The following CPA4 variants were observed in gnomAD, a reference collection of about 807,000 sequenced individuals.
The protein encoded by CPA4 is carboxypeptidase A4, also known as carboxypeptidase A3.
Under a neutral mutation model 54.7 loss-of-function variants are expected in CPA4, and 49 were observed. The observed-to-expected ratio is 0.90, with a 90% CI of 0.71 to 1.14. The LOEUF is 1.14. CPA4 is among the 50% of genes most tolerant of loss of function. CPA4 has a pLI of 0.00. For missense variants in CPA4, 487 were observed against 525.1 expected, an observed-to-expected ratio of 0.93 and a Z score of 0.71; for synonymous variants, 215 against 206.8, an observed-to-expected ratio of 1.04 and a Z score of -0.34.
chr7:130,318,196 C>T (rs781292509), intron 10 of CPA4, among the ~76,000 whole-genome samples: 10 of 152,102 alleles, frequency 6.6e-5, no homozygotes, highest in African/African-American at 1.7e-4. Flanking sequence ...CCTCTGAGGA[C>T]GTCCTCTCCA....
In CPA4 at chr7:130,310,636, A is replaced by C; in HGVS notation, c.794-151A>C. On this transcript the variant is annotated intron_variant, in intron 8 of 10. Coordinates refer to ENST00000222482, the MANE Select transcript of CPA4 (RefSeq NM_016352.4). This position sits in a 1 kb window ranked among gnomAD's most constrained non-coding sequence, Gnocchi z 4.3. ...CCTCCCTCTTCCATGCCTTCTCTGC[A>C]GTCCACACCCACCATGGACTAGGTG... 1 of 661,210 alleles carries C rather than the reference A, an allele frequency of 1.5e-6. No homozygotes were observed. The highest frequency in any genetic ancestry group is 2.6e-6 in the Non-Finnish European group (1 of 377,924). 41.0% of individuals were successfully genotyped at this position (661,210 alleles called of 1,614,324 possible). A position where few individuals can be genotyped will look rare whatever the true frequency, so the allele number is the denominator to read the frequency against.
chr7:130,304,309 G>A (rs1320208224), intron 4 of CPA4, among the ~76,000 whole-genome samples, 169 bp from the exon 5 acceptor site: 1 of 152,202 alleles, frequency 6.6e-6, no homozygotes, highest in Admixed American at 6.5e-5. Flanking sequence ...TGTAGAAAAG[G>A]ACTATTCAGG....
intron 6 of CPA4, 52 bp downstream of exon 6, chr7:130,305,972 G>A (rs1793814330): frequency 2.7e-6 from 4 of 1,469,490 alleles, no homozygotes; most frequent in Middle Eastern, 3.7e-4. Context: ...GGGTGCCCCT[G>A]CAGCATGCCA....
intron 10 of CPA4, 76 bp downstream of exon 10, chr7:130,312,198 G>A (rs1793926377): frequency 1.9e-6 from 2 of 1,048,080 alleles, no homozygotes; most frequent in Non-Finnish European, 3.0e-6. Flanking sequence ...GAGGAGGGCT[G>A]TAAGTTAGAC....
intron 10 of CPA4, among the ~76,000 whole-genome samples, chr7:130,315,300 G>A (rs1029256370): frequency 1.3e-5 from 2 of 152,100 alleles, no homozygotes; most frequent in Non-Finnish European, 2.9e-5. Context: ...AGGTGTGAGT[G>A]GTCTTTTGGA....
At chr7:130,320,535 G>T (rs2117173079) in intron 10 of CPA4, among the ~76,000 whole-genome samples, 1 of 152,252 alleles carries the variant, frequency 6.6e-6, no homozygotes, top group Non-Finnish European at 1.5e-5. Context: ...AGCATCCCTA[G>T]AAAAATCACA....
rs28369154 is a variant in CPA4 at position 130,304,564 on chromosome 7, G to C, written c.471G>C (p.Pro157=). ...VKIGHSFENR[P]MYVLKFSTGK... The stretch of plus-strand genomic sequence containing the variant: ...TTGGACATTCGTTTGAAAACCGGCC[G>C]ATGTATGTACTGAAGGTGAGGCCAC... Residue 157 remains proline (P), a synonymous_variant, in exon 5 of 11, where the codon CCG becomes CCC. Transcript: ENST00000222482. 6,972 of 1,609,982 alleles carry C rather than the reference G, an allele frequency of 4.3e-3. 270 individuals carry two copies. In the African/African-American group the frequency reaches 0.083, roughly 19 times the overall value.
chr7:130,308,159 C>A, intron 7 of CPA4, 148 bp from the exon 8 acceptor site: 2 of 677,236 alleles, frequency 3.0e-6, no homozygotes, highest in Admixed American at 2.4e-5. Context: ...GGAGGAGAGA[C>A]AACTGCTCAA....
At chr7:130,298,639 T>C (rs1793690594) in intron 1 of CPA4, 107 bp from the exon 2 acceptor site, 1 of 692,384 alleles carries the variant, frequency 1.4e-6, no homozygotes, top group South Asian at 1.8e-5. Context: ...GACCATTTCC[T>C]TTCTTTTGGC....
intron 7 of CPA4, 107 bp downstream of exon 7, chr7:130,307,004 T>G: frequency 1.4e-6 from 1 of 707,640 alleles, no homozygotes; most frequent in South Asian, 1.5e-5. Flanking sequence ...CTTATGAGCT[T>G]CCTTGGGATT....
rs1009397806 is a variant in CPA4 at position 130,310,037 on chromosome 7, G to A, written c.794-750G>A. Among the ~76,000 whole-genome samples, 2 of 152,186 alleles carry A rather than the reference G, an allele frequency of 1.3e-5. No individual in the cohort carries two copies. The highest frequency in any genetic ancestry group is 2.9e-5 in the Non-Finnish European group (2 of 68,042). The stretch of plus-strand genomic sequence containing the variant: ...CCACCTCAGCCTCTCAAAGTGCTGG[G>A]ATTATAGACATGAGGCACTGTGCCC... On this transcript the variant is annotated intron_variant, in intron 8 of 10. Coordinates refer to ENST00000222482, the MANE Select transcript of CPA4 (RefSeq NM_016352.4). The surrounding 1 kb of genome is among the most constrained non-coding windows in gnomAD (Gnocchi z 4.3).
intron 10 of CPA4, among the ~76,000 whole-genome samples, chr7:130,318,229 G>A (rs1483030128): frequency 5.9e-5 from 9 of 152,016 alleles, no homozygotes; most frequent in African/African-American, 2.2e-4. Flanking sequence ...GGTCACCAGG[G>A]TCCTGGCCTG....
chr7:130,315,927 C>T (rs1793980940), intron 10 of CPA4, among the ~76,000 whole-genome samples: 1 of 144,674 alleles, frequency 6.9e-6, no homozygotes, highest in South Asian at 2.1e-4. Flanking sequence ...TAAATGGCTA[C>T]TGTGGAAGAG....
At position 130,322,533 on chromosome 7, in the gene CPA4, A is replaced by G. The variant is rs1403014629; in HGVS notation, c.1123A>G (p.Ile375Val). 2 of 1,614,000 alleles carry G rather than the reference A, an allele frequency of 1.2e-6. No individual in the cohort carries two copies. Among genetic ancestry groups the G allele is most frequent in the African/African-American group, 2.7e-5 (2 of 74,904 alleles). The change falls in exon 11 of 11, where the codon ATC (isoleucine) becomes GTC (valine). Residue 375 changes from isoleucine to valine, a missense_variant. Transcript: ENST00000222482. ...CATCGACTGGGCATATGACAACGGC[A>G]TCAAATTTGCATTCACATTTGAGTT... ...SSIDWAYDNG[I>V]KFAFTFELRD... is the part of the protein sequence containing the mutation.
intron 10 of CPA4, among the ~76,000 whole-genome samples, chr7:130,314,587 C>T (rs1046517065): frequency 9.9e-5 from 15 of 152,104 alleles, no homozygotes; most frequent in Admixed American, 2.6e-4. Flanking sequence ...CAAGAGGGAT[C>T]GTGTAAGGTT....
Position 130,293,208 on chromosome 7 carries a change from C to T in CPA4, c.28C>T (p.Leu10Phe), listed in dbSNP as rs148084694. 3.7e-6 allele frequency: 6 copies of T among 1,612,556 alleles called. No homozygotes were observed. Among genetic ancestry groups the T allele is most frequent in the Middle Eastern group, 1.6e-4 (1 of 6,062 alleles). The change falls in exon 1 of 11, where the codon CTT (leucine) becomes TTT (phenylalanine). Residue 10 changes from leucine to phenylalanine, a missense_variant. Leu to Phe is a conservative substitution (Grantham distance 22). Coordinates refer to ENST00000222482, the MANE Select transcript of CPA4 (RefSeq NM_016352.4). MRWILFIGA[L>F]IGSSICGQEK... is the part of the protein sequence containing the mutation. ...GAGGTGGATACTGTTCATTGGGGCC[C>T]TTATTGGGTCCAGCATCTGTGGCCA... is the stretch of plus-strand genomic sequence containing the variant.
Position 130,310,669 on chromosome 7 carries a change from C to A in CPA4, c.794-118C>A, listed in dbSNP as rs1793896348. On this transcript the variant is annotated intron_variant, in intron 8 of 10. Coordinates refer to ENST00000222482, the MANE Select transcript of CPA4 (RefSeq NM_016352.4). This position sits in a 1 kb window ranked among gnomAD's most constrained non-coding sequence, Gnocchi z 4.3. ...CCCACCATGGACTAGGTGCTCTGGG[C>A]CGTCTCGCCATGGCCTGCCCATTCC... 3.5e-6 allele frequency: 3 copies of A among 848,440 alleles called. No homozygotes were observed. Among genetic ancestry groups the A allele is most frequent in the Non-Finnish European group, 5.7e-6 (3 of 527,750 alleles). 52.6% of individuals were successfully genotyped at this position (848,440 alleles called of 1,614,324 possible). A position where few individuals can be genotyped will look rare whatever the true frequency, so the allele number is the denominator to read the frequency against.
At chr7:130,298,629 G>C (rs1244657073) in intron 1 of CPA4, 117 bp from the exon 2 acceptor site, 37 of 658,570 alleles carry the variant, frequency 5.6e-5, no homozygotes, top group Non-Finnish European at 9.9e-5. Context: ...CCAAAGACTA[G>C]ACCATTTCCT....
At chr7:130,313,176 G>A (rs114649877) in intron 10 of CPA4, among the ~76,000 whole-genome samples, 166 of 152,314 alleles carry the variant, frequency 1.1e-3, no homozygotes, top group African/African-American at 3.8e-3. Flanking sequence ...AACGCTGTCT[G>A]TAGATGTTTT....
Sources: gnomAD v4.1 joint callset for allele counts (sites outside exome capture counted in the v4.1 genomes callset) on GRCh38, gnomAD v4.1.1 for gene constraint, Gnocchi (gnomAD v3.1) non-coding constraint, MANE v1.5 for transcripts, NCBI Gene and HGNC (gene_info 2026-07-23, HGNC 2026-07-21) for gene names.